NECAB1: variants seen among roughly 807,000 people sequenced by gnomAD.
NECAB1 encodes N-terminal EF-hand calcium-binding protein 1.
Under a neutral mutation model 57.5 loss-of-function variants are expected in NECAB1, and 29 were observed. The ratio of observed to expected loss-of-function variants is 0.50; its 90% CI spans 0.38 to 0.69. The LOEUF is 0.69. NECAB1 is among the 30% of genes least tolerant of loss of function. The probability of loss-of-function intolerance (pLI) is 0.00; values close to 1 mark genes in which losing one functional copy is unlikely to be tolerated. For missense variants in NECAB1, 372 were observed against 413.8 expected (o/e 0.90, Z 0.88); for synonymous variants, 142 against 147.7 (o/e 0.96, Z 0.28).
At chr8:90,907,170 G>GAC (rs1370331676) in intron 5 of NECAB1, among the ~76,000 whole-genome samples, 199 of 146,150 alleles carry the variant, frequency 1.4e-3, no homozygotes, top group African/African-American at 5.2e-3. Context: ...GAGAGAGAGA[G>GAC]AGAGAGAGAG....
At chr8:90,928,801 C>CT (rs1810337558) in intron 8 of NECAB1, among the ~76,000 whole-genome samples, 1 of 152,182 alleles carries the variant, frequency 6.6e-6, no homozygotes, top group Admixed American at 6.5e-5. Context: ...GCTATTAAAA[C>CT]TATCTAAGCA....
intron 5 of NECAB1, among the ~76,000 whole-genome samples, chr8:90,890,029 T>G (rs1040537992): frequency 6.6e-6 from 1 of 152,172 alleles, no homozygotes; most frequent in Non-Finnish European, 1.5e-5. Flanking sequence ...TTCCCTCCAT[T>G]TATATCTACC....
At chr8:90,945,436 G>A (rs1323452405) in intron 10 of NECAB1, among the ~76,000 whole-genome samples, 1 of 152,186 alleles carries the variant, frequency 6.6e-6, no homozygotes, top group Admixed American at 6.5e-5. Flanking sequence ...CTGGACTCAA[G>A]TGATCCGCCC....
chr8:90,885,452 G>A (rs1021437063), intron 5 of NECAB1, among the ~76,000 whole-genome samples: 8 of 152,274 alleles, frequency 5.3e-5, no homozygotes, highest in African/African-American at 1.7e-4. Flanking sequence ...GGCTTCCGTG[G>A]CTATGACCAA....
intron 7 of NECAB1, 129 bp from the exon 8 acceptor site, chr8:90,928,094 T>C: frequency 1.4e-6 from 1 of 697,002 alleles, no homozygotes; most frequent in Middle Eastern, 2.4e-4. Flanking sequence ...GTGAATACAT[T>C]TTAAAAAAAT....
intron 4 of NECAB1, among the ~76,000 whole-genome samples, chr8:90,874,573 A>G (rs912182916): frequency 4.6e-5 from 7 of 152,206 alleles, no homozygotes; most frequent in Non-Finnish European, 1.0e-4. Context: ...ACATTGATAT[A>G]TATGTGTACG....
chr8:90,942,570 C>T (rs1433048892), intron 10 of NECAB1, among the ~76,000 whole-genome samples: 1 of 152,178 alleles, frequency 6.6e-6, no homozygotes, highest in Non-Finnish European at 1.5e-5. Context: ...TAAGAGCCCA[C>T]TCATTTGAAA....
intron 2 of NECAB1, among the ~76,000 whole-genome samples, chr8:90,807,345 G>A (rs771501850): frequency 1.1e-4 from 17 of 152,050 alleles, no homozygotes; most frequent in African/African-American, 2.7e-4. Flanking sequence ...TTTCCAAACC[G>A]GTCACCTAAA....
chr8:90,946,025 TAAC>T (rs1810798894), intron 10 of NECAB1, among the ~76,000 whole-genome samples: 1 of 152,258 alleles, frequency 6.6e-6, no homozygotes, highest in Admixed American at 6.5e-5. Flanking sequence ...CCTAAGCCTT[TAAC>T]AACTGCTGAC....
chr8:90,910,833 T>G (rs1385286362), intron 5 of NECAB1, among the ~76,000 whole-genome samples: 1 of 152,028 alleles, frequency 6.6e-6, no homozygotes, highest in Non-Finnish European at 1.5e-5. Flanking sequence ...TTGGCTACTT[T>G]GGAGTTCTCT....
intron 2 of NECAB1, among the ~76,000 whole-genome samples, chr8:90,806,244 T>C (rs2129655638): frequency 6.6e-6 from 1 of 152,288 alleles, no homozygotes; most frequent in African/African-American, 2.4e-5. Flanking sequence ...TAAGAGATTG[T>C]TATAGTTCTC....
chr8:90,887,278 C>T lies in NECAB1; in HGVS notation c.357+6148C>T, dbSNP rs191288288. Among the ~76,000 whole-genome samples the T allele has an allele frequency of 7.6e-4, 115 of 152,232 alleles. 2 individuals are homozygous for T. The East Asian group carries it at 0.021, about 28-fold the overall frequency. On this transcript the variant is annotated intron_variant, in intron 5 of 12. Transcript: ENST00000417640. ...TTTTTATCTGAACTTTGAAGCTATG[C>T]TTTACACCTATTGTTGTTACATAAG...
intron 5 of NECAB1, among the ~76,000 whole-genome samples, chr8:90,913,470 G>GA (rs913558170): frequency 4.1e-4 from 60 of 145,898 alleles, no homozygotes; most frequent in Admixed American, 9.5e-4. Context: ...AACTGCGTTT[G>GA]AAAAAAAAAA....
At chr8:90,929,557 G>A (rs903513567) in intron 8 of NECAB1, among the ~76,000 whole-genome samples, 1 of 152,082 alleles carries the variant, frequency 6.6e-6, no homozygotes, top group Non-Finnish European at 1.5e-5. Flanking sequence ...TTGGCCTTCT[G>A]TTCAAAATTC....
intron 5 of NECAB1, among the ~76,000 whole-genome samples, chr8:90,905,082 T>C (rs1482137208): frequency 7.3e-6 from 1 of 137,394 alleles, no homozygotes; most frequent in Non-Finnish European, 1.6e-5. Flanking sequence ...TTTATTAAGT[T>C]GTATATCAAA....
intron 5 of NECAB1, among the ~76,000 whole-genome samples, chr8:90,889,202 TA>T (rs1419661080): frequency 6.6e-6 from 1 of 152,174 alleles, no homozygotes; most frequent in Non-Finnish European, 1.5e-5. Context: ...AGTTTCCAGG[TA>T]CAATCCTAAG....
intron 3 of NECAB1, among the ~76,000 whole-genome samples, chr8:90,856,282 TTCA>T (rs1812792701): frequency 1.3e-5 from 2 of 152,160 alleles, no homozygotes; most frequent in Admixed American, 1.3e-4. Context: ...AAATGTATTG[TTCA>T]TATAGGTACC....
chr8:90,919,727 G>C (rs1350594950), intron 6 of NECAB1, among the ~76,000 whole-genome samples: 1 of 152,154 alleles, frequency 6.6e-6, no homozygotes, highest in African/African-American at 2.4e-5. Context: ...TGGATTTCAT[G>C]TTCCTAATGA....
At chr8:90,857,594 T>A (rs1323759441) in intron 3 of NECAB1, among the ~76,000 whole-genome samples, 1 of 152,108 alleles carries the variant, frequency 6.6e-6, no homozygotes, top group Non-Finnish European at 1.5e-5. Context: ...GAACATAATT[T>A]CTATCAGCAA....
Sources: allele counts gnomAD v4.1 joint callset (sites outside exome capture counted in the v4.1 genomes callset), GRCh38; gene constraint gnomAD v4.1.1; transcripts MANE v1.5; gene names NCBI Gene and HGNC (gene_info 2026-07-23, HGNC 2026-07-21).